RBPJ: variants seen among roughly 807,000 people sequenced by gnomAD.
RBPJ encodes the protein recombination signal binding protein for immunoglobulin kappa J region, also known as recombining binding protein suppressor of hairless.
A neutral mutation model predicts 67.8 loss-of-function variants in RBPJ; 9 were observed. That is an observed-to-expected ratio of 0.13 (90% CI 0.08 to 0.23). The LOEUF is 0.23. RBPJ is among the 10% of genes least tolerant of loss of function. The pLI, the probability that RBPJ is intolerant of heterozygous loss-of-function variation, is 1.00. For missense variants in RBPJ, 305 were observed against 595.6 expected, an observed-to-expected ratio of 0.51 and a Z score of 5.08; for synonymous variants, 198 against 203.3, an observed-to-expected ratio of 0.97 and a Z score of 0.22.
At position 26,197,888 on chromosome 4, in the gene RBPJ, G is replaced by A. The variant is rs974071425; in HGVS notation, c.-167+34274G>A. On this transcript the variant is annotated intron_variant, in intron 1 of 4. Coordinates refer to the RBPJ transcript ENST00000512351. ...GAGAGTTAACATTTATTTATTAAGT[G>A]CCCATTTTCAGACAGGTTCTGACTA... Among the ~76,000 whole-genome samples the A allele has an allele frequency of 9.2e-5, 14 of 152,170 alleles. 1 individual carries two copies. The highest frequency in any genetic ancestry group is 3.4e-4 in the African/African-American group (14 of 41,440).
chr4:26,337,527 C>CT (rs74272715), intron 1 of RBPJ, among the ~76,000 whole-genome samples: 5,783 of 142,926 alleles, frequency 0.04, 300 homozygotes, highest in African/African-American at 0.12. Context: ...TTGTTTCCAA[C>CT]TTTTTTTTTT....
chr4:26,279,230 G>GAGCCT (rs1219168233), intron 1 of RBPJ, among the ~76,000 whole-genome samples: 63 of 152,288 alleles, frequency 4.1e-4, no homozygotes, highest in African/African-American at 1.3e-3. Flanking sequence ...ATGATGCTGT[G>GAGCCT]AGCCTAGCCA....
the RBPJ span, among the ~76,000 whole-genome samples, chr4:26,118,377 G>C: frequency 1.5e-4 from 23 of 152,318 alleles, no homozygotes; most frequent in Middle Eastern, 3.4e-3. Context: ...CACCAGGTGA[G>C]GTATGGGTTA....
Position 26,230,816 on chromosome 4 carries a change from A to C in RBPJ, c.-167+67202A>C, listed in dbSNP as rs966611532. On this transcript the variant is annotated intron_variant, in intron 1 of 4. Transcript: ENST00000512351. ...AAAATAGCCCACAAAATATATTTATAGCAAAATATAAATGACAAGCATAGC... is the reference window on the plus strand; with the variant it reads ...AAAATAGCCCACAAAATATATTTATCGCAAAATATAAATGACAAGCATAGC... Among the ~76,000 whole-genome samples, 5 of 152,346 alleles carry C rather than the reference A, an allele frequency of 3.3e-5. No individual in the cohort carries two copies. The East Asian group carries it at 9.6e-4, about 29-fold the overall frequency.
chr4:26,402,321 C>T (rs1347776156), intron 2 of RBPJ, among the ~76,000 whole-genome samples: 1 of 152,194 alleles, frequency 6.6e-6, no homozygotes, highest in African/African-American at 2.4e-5. Context: ...TATTCCCTCC[C>T]TTGGAATGTT....
chr4:26,316,827 C>CTTTTTTTTTTTTTTTT (rs56130072), upstream of RBPJ, among the ~76,000 whole-genome samples: 6 of 71,396 alleles, frequency 8.4e-5, 3 homozygotes, highest in Non-Finnish European at 1.0e-4. Context: ...ACCCAGACGA[C>CTTTTTTTTTTTTTTTT]TTTTTTTTTT....
At chr4:26,394,878 T>C (rs1367869594) in intron 2 of RBPJ, among the ~76,000 whole-genome samples, 1 of 152,204 alleles carries the variant, frequency 6.6e-6, no homozygotes, top group Admixed American at 6.5e-5. Flanking sequence ...TTTAATGTCA[T>C]GAGGTTTTCT....
the RBPJ span, among the ~76,000 whole-genome samples, chr4:26,147,680 G>A: frequency 3.3e-5 from 5 of 152,132 alleles, no homozygotes; most frequent in South Asian, 4.1e-4. Context: ...GTGCAGTGGC[G>A]TGATCTCGGC....
intron 1 of RBPJ, among the ~76,000 whole-genome samples, chr4:26,183,071 A>G (rs1717073394): frequency 6.6e-6 from 1 of 152,280 alleles, no homozygotes; most frequent in South Asian, 2.1e-4. Context: ...AGTATAGTAT[A>G]GTAAATACAG....
At chr4:26,261,320 G>A (rs1720525699) in intron 1 of RBPJ, among the ~76,000 whole-genome samples, 1 of 151,938 alleles carries the variant, frequency 6.6e-6, no homozygotes, top group African/African-American at 2.4e-5. Flanking sequence ...ATTAATGAAT[G>A]GATTCTTTTT....
chr4:26,372,942 A>G (rs1279363587), intron 1 of RBPJ, among the ~76,000 whole-genome samples: 1 of 152,172 alleles, frequency 6.6e-6, no homozygotes, highest in Non-Finnish European at 1.5e-5. Flanking sequence ...GGTCCTAGCA[A>G]TGCAGGAAGG....
At chr4:26,349,089 C>CGT (rs1577493158) in intron 1 of RBPJ, among the ~76,000 whole-genome samples, 9 of 129,650 alleles carry the variant, frequency 6.9e-5, no homozygotes, top group African/African-American at 8.5e-5. Context: ...TGTGTGTGTG[C>CGT]GCGCGCGCAC....
chr4:26,222,700 A>T (rs1718954323), intron 1 of RBPJ, among the ~76,000 whole-genome samples: 1 of 150,066 alleles, frequency 6.7e-6, no homozygotes, highest in African/African-American at 2.4e-5. Flanking sequence ...AAAAGAACAG[A>T]TGAACAAACA....
chr4:26,395,573 C>T (rs1273671522), intron 2 of RBPJ, among the ~76,000 whole-genome samples: 3 of 152,130 alleles, frequency 2.0e-5, no homozygotes, highest in Non-Finnish European at 2.9e-5. Flanking sequence ...AAGGTGGGGT[C>T]TAATGGGAGG....
At chr4:26,342,596 G>C (rs537845376) in intron 1 of RBPJ, among the ~76,000 whole-genome samples, 1 of 152,176 alleles carries the variant, frequency 6.6e-6, no homozygotes, top group Non-Finnish European at 1.5e-5. Context: ...TCACTAACCA[G>C]ACAAGCCTCT....
In RBPJ at chr4:26,432,537, A is replaced by G. The variant is rs1453026831; in HGVS notation, c.*1530A>G. 3.3e-5 allele frequency: 5 copies of G among 152,142 alleles called. No homozygotes were observed. The highest frequency in any genetic ancestry group is 1.2e-4 in the African/African-American group (5 of 41,428). 9.4% of individuals were successfully genotyped at this position (152,142 alleles called of 1,614,324 possible). A position where few individuals can be genotyped will look rare whatever the true frequency, so the allele number is the denominator to read the frequency against. ...GGGTTGTAGGTTGGCCTTGCTTGCT[A>G]ACCCCGCCGGTTTTACCGTGCTTTC... On this transcript the variant is annotated 3_prime_UTR_variant, in exon 11 of 11. Coordinates refer to ENST00000355476, the MANE Select transcript of RBPJ (RefSeq NM_015874.6).
chr4:26,180,960 G>C (rs1255574413), intron 1 of RBPJ, among the ~76,000 whole-genome samples: 1 of 152,010 alleles, frequency 6.6e-6, no homozygotes, highest in Non-Finnish European at 1.5e-5. Flanking sequence ...TAGTGAATAA[G>C]TCCTACGAGA....
At chr4:26,110,187 CA>C in the RBPJ span, among the ~76,000 whole-genome samples, 1 of 152,302 alleles carries the variant, frequency 6.6e-6, no homozygotes, top group East Asian at 1.9e-4. This position sits in a 1 kb window ranked among gnomAD's most constrained non-coding sequence, Gnocchi z 4.5. Context: ...GTACTTCTTA[CA>C]TTTCAATTTC....
At chr4:26,109,353 G>A in the RBPJ span, among the ~76,000 whole-genome samples, 1 of 146,566 alleles carries the variant, frequency 6.8e-6, no homozygotes, top group African/African-American at 2.5e-5. Context: ...TGATCCACCT[G>A]CCTCGGCTGC....
Sources: gnomAD v4.1 joint callset for allele counts (sites outside exome capture counted in the v4.1 genomes callset) on GRCh38, gnomAD v4.1.1 for gene constraint, Gnocchi (gnomAD v3.1) non-coding constraint, MANE v1.5 for transcripts, NCBI Gene and HGNC (gene_info 2026-07-23, HGNC 2026-07-21) for gene names.